Variants in LDLRAD3 observed in about 807,000 individuals in gnomAD.
The protein encoded by LDLRAD3 is low-density lipoprotein receptor class A domain-containing protein 3.
In LDLRAD3, 20 loss-of-function variants were observed where a neutral mutation model predicts 29.4. The observed-to-expected ratio is 0.68, with a 90% CI of 0.48 to 0.99. The LOEUF is 0.99. Among genes scored for constraint, LDLRAD3 ranks in the 50% least tolerant of loss-of-function variants. The pLI is 0.00. For synonymous variants in LDLRAD3, 157 were observed against 192.7 expected (o/e 0.81, Z 1.53); for missense variants, 420 against 454.3 (o/e 0.92, Z 0.69).
chr11:36,201,512 A>G (rs1044266753), intron 4 of LDLRAD3, among the ~76,000 whole-genome samples: 3 of 152,224 alleles, frequency 2.0e-5, no homozygotes, highest in Non-Finnish European at 4.4e-5. Context: ...GAAAGGACAA[A>G]GTGTAAAATT....
At chr11:36,154,827 A>G (rs1854325087) in intron 4 of LDLRAD3, among the ~76,000 whole-genome samples, 1 of 152,186 alleles carries the variant, frequency 6.6e-6, no homozygotes, top group Non-Finnish European at 1.5e-5. Context: ...CATCATGGAC[A>G]AACCAACCAC....
intron 4 of LDLRAD3, 41 bp downstream of exon 4, chr11:36,098,502 A>C: frequency 6.2e-7 from 1 of 1,609,966 alleles, no homozygotes. Context: ...TTGCAACACA[A>C]CACTGCAGTA....
Position 36,036,264 on chromosome 11 carries a change from C to A in LDLRAD3, c.193+15C>A. The stretch of plus-strand genomic sequence containing the variant: ...GAAGGAGTGCCGTGAGTGGCCTGGC[C>A]CTTTGCTGGGGTGGGGTGGCAGCCA... On this transcript the variant is annotated intron_variant, in intron 2 of 5. Transcript: ENST00000315571. 6.2e-7 allele frequency: 1 copy of A among 1,613,772 alleles called. No individual in the cohort carries two copies. The highest frequency in any genetic ancestry group is 8.5e-7 in the Non-Finnish European group (1 of 1,179,940).
Position 36,186,321 on chromosome 11 carries a change from T to C in LDLRAD3, c.455-40764T>C, listed in dbSNP as rs535374047. 2.1e-4 allele frequency among the ~76,000 whole-genome samples: 32 copies of C among 152,308 alleles called. 1 individual carries two copies. Among genetic ancestry groups the C allele is most frequent in the Middle Eastern group, 3.4e-3 (1 of 294 alleles). On this transcript the variant is annotated intron_variant, in intron 4 of 5. Transcript: ENST00000315571. ...AGCACTCAGTAAATATGAGATATCA[T>C]GGTTATTATGCTAGCCCAGAGAAAC... is the stretch of plus-strand genomic sequence containing the variant.
At chr11:35,948,469 T>TGC (rs1554950513) in intron 1 of LDLRAD3, among the ~76,000 whole-genome samples, 14 of 147,556 alleles carry the variant, frequency 9.5e-5, no homozygotes, top group Middle Eastern at 3.4e-3. Context: ...TGTGTGTGTG[T>TGC]GCACATGCAC....
At chr11:36,053,088 A>G (rs1852551740) in intron 2 of LDLRAD3, among the ~76,000 whole-genome samples, 1 of 152,126 alleles carries the variant, frequency 6.6e-6, no homozygotes, top group East Asian at 1.9e-4. Flanking sequence ...GGCTTGGAGC[A>G]TGGACTCTTG....
At chr11:36,226,983 A>T in intron 4 of LDLRAD3, 102 bp from the exon 5 acceptor site, 2 of 917,774 alleles carry the variant, frequency 2.2e-6, no homozygotes, top group Non-Finnish European at 3.4e-6. Flanking sequence ...GAATAGGGCT[A>T]CTGTGAACAT....
intron 1 of LDLRAD3, among the ~76,000 whole-genome samples, chr11:35,978,660 G>T (rs1168733768): frequency 6.6e-6 from 1 of 152,170 alleles, no homozygotes; most frequent in Non-Finnish European, 1.5e-5. Context: ...TAAGCAGGAG[G>T]CATTGCTTTA....
intron 4 of LDLRAD3, among the ~76,000 whole-genome samples, chr11:36,154,920 C>CT (rs1241488143): frequency 6.6e-6 from 1 of 152,182 alleles, no homozygotes; most frequent in Non-Finnish European, 1.5e-5. Context: ...CCCAGTCCAT[C>CT]TGTCTGTCTG....
chr11:36,176,678 T>G (rs762332328), intron 4 of LDLRAD3, among the ~76,000 whole-genome samples: 48 of 152,198 alleles, frequency 3.2e-4, no homozygotes, highest in Non-Finnish European at 6.0e-4. Flanking sequence ...TGCTGAGAAA[T>G]CCGCCGTTAA....
rs1854159849 is a variant in LDLRAD3 at position 36,145,045 on chromosome 11, C to T, written c.454+46584C>T. On this transcript the variant is annotated intron_variant, in intron 4 of 5. Transcript: ENST00000315571. ...GAGGTGAGGGGCGCCTCTGCCCGGC[C>T]GCCTCTACTGGGAAGAGAGGAGCCC... Among the ~76,000 whole-genome samples the T allele has an allele frequency of 1.8e-5, 2 of 110,092 alleles. 1 individual carries two copies. Among genetic ancestry groups the T allele is most frequent in the Non-Finnish European group, 3.9e-5 (2 of 51,150 alleles). 72.2% of individuals were successfully genotyped at this position (110,092 alleles called of 152,430 possible).
At chr11:36,103,661 G>A (rs1363393416) in intron 4 of LDLRAD3, among the ~76,000 whole-genome samples, 2 of 152,142 alleles carry the variant, frequency 1.3e-5, no homozygotes, top group Non-Finnish European at 2.9e-5. Context: ...GAAGGTTTGG[G>A]CAACACCCTT....
At chr11:35,967,875 G>T in intron 1 of LDLRAD3, 1 of 398,730 alleles carries the variant, frequency 2.5e-6, no homozygotes, top group Non-Finnish European at 4.9e-6. Context: ...GCCTGTAAGG[G>T]GTAGTAATGT....
intron 4 of LDLRAD3, among the ~76,000 whole-genome samples, chr11:36,212,066 G>A (rs1288468860): frequency 6.6e-6 from 1 of 152,206 alleles, no homozygotes; most frequent in Admixed American, 6.5e-5. Context: ...AATAGAAATA[G>A]TAGTTCTTTA....
chr11:35,958,362 C>T lies in LDLRAD3; in HGVS notation c.46+14218C>T, dbSNP rs553393193. 9.9e-5 allele frequency among the ~76,000 whole-genome samples: 15 copies of T among 152,230 alleles called. No homozygotes were observed. In the South Asian group the frequency reaches 3.1e-3, roughly 32 times the overall value. On this transcript the variant is annotated intron_variant, in intron 1 of 5. Coordinates refer to ENST00000315571, the MANE Select transcript of LDLRAD3 (RefSeq NM_174902.4). The stretch of plus-strand genomic sequence containing the variant: ...TTCTTCCACGGAAAGAAAATTCTTA[C>T]GAAACAGATGATTCAAATTTGTAGT...
At chr11:35,989,732 C>T (rs1851663983) in intron 1 of LDLRAD3, among the ~76,000 whole-genome samples, 1 of 152,114 alleles carries the variant, frequency 6.6e-6, no homozygotes, top group Admixed American at 6.5e-5. Flanking sequence ...AGAAATGCTA[C>T]TGATTTTTGT....
intron 1 of LDLRAD3, among the ~76,000 whole-genome samples, chr11:35,992,669 A>AT (rs748595648): frequency 7.9e-5 from 12 of 152,188 alleles, no homozygotes; most frequent in Non-Finnish European, 1.6e-4. Flanking sequence ...TAGAAAGTAG[A>AT]TAGGTGGTTG....
chr11:36,145,267 C>T (rs1303713871), intron 4 of LDLRAD3, among the ~76,000 whole-genome samples: 1 of 104,202 alleles, frequency 9.6e-6, no homozygotes, highest in Non-Finnish European at 2.0e-5. Flanking sequence ...GGGGGTCAGC[C>T]CCCCGCCCGG....
At chr11:36,196,737 TAC>T (rs1195351207) in intron 4 of LDLRAD3, 2 of 152,188 alleles carry the variant, frequency 1.3e-5, no homozygotes, top group Non-Finnish European at 2.9e-5. Flanking sequence ...CAGCTCTGCA[TAC>T]AGTCATGTTC....
Sources: gnomAD v4.1 joint callset for allele counts (sites outside exome capture counted in the v4.1 genomes callset) on GRCh38, gnomAD v4.1.1 for gene constraint, MANE v1.5 for transcripts, NCBI Gene and HGNC (gene_info 2026-07-23, HGNC 2026-07-21) for gene names.